TMEM182: variants seen among roughly 807,000 people sequenced by gnomAD.
TMEM182 encodes transmembrane protein 182.
Under a neutral mutation model 26.8 loss-of-function variants are expected in TMEM182, and 20 were observed. That is an observed-to-expected ratio of 0.75 (90% CI 0.53 to 1.09). The LOEUF (loss-of-function observed/expected upper bound fraction) is 1.09. TMEM182 is among the 50% of genes least tolerant of loss of function. The pLI, the probability that TMEM182 is intolerant of heterozygous loss-of-function variation, is 0.00. For synonymous variants in TMEM182, 109 were observed against 102.2 expected, an observed-to-expected ratio of 1.07 and a Z score of -0.40; for missense variants, 277 against 275.5, an observed-to-expected ratio of 1.01 and a Z score of -0.04.
intron 3 of TMEM182, among the ~76,000 whole-genome samples, chr2:102,796,498 C>G (rs996820288): frequency 2.6e-5 from 4 of 152,210 alleles, no homozygotes; most frequent in African/African-American, 7.2e-5. Flanking sequence ...AAATGTGAGA[C>G]TCACCAATTG....
At chr2:102,800,030 AT>A (rs1218867581) in intron 4 of TMEM182, among the ~76,000 whole-genome samples, 1 of 152,050 alleles carries the variant, frequency 6.6e-6, no homozygotes, top group Non-Finnish European at 1.5e-5. Context: ...AAAAAAAAAA[AT>A]CTCACTCTGA....
chr2:102,742,042 G>A (rs1034712645), intron 1 of TMEM182, among the ~76,000 whole-genome samples: 11 of 152,198 alleles, frequency 7.2e-5, no homozygotes, highest in Non-Finnish European at 1.0e-4. Flanking sequence ...CAAAGCAAGC[G>A]TTAGAACTAG....
intron 3 of TMEM182, among the ~76,000 whole-genome samples, chr2:102,787,235 C>T (rs976777806): frequency 1.3e-5 from 2 of 152,142 alleles, no homozygotes; most frequent in African/African-American, 4.8e-5. Context: ...CACAGCCTGG[C>T]GGCTTAAACA....
At chr2:102,783,929 G>T (rs1163010754) in intron 3 of TMEM182, among the ~76,000 whole-genome samples, 1 of 152,172 alleles carries the variant, frequency 6.6e-6, no homozygotes, top group Non-Finnish European at 1.5e-5. Flanking sequence ...AGAGATGCTA[G>T]CTATGTCTCA....
At position 102,797,981 on chromosome 2, in the gene TMEM182, A is replaced by G; in HGVS notation, c.450A>G (p.Gly150=). 6.2e-7 allele frequency: 1 copy of G among 1,613,762 alleles called. No individual in the cohort carries two copies. The highest frequency in any genetic ancestry group is 8.5e-7 in the Non-Finnish European group (1 of 1,179,950). ...GCCATTTTCTCTACAAAGCTGGGGG[A>G]GGCTCATATATTGCTGCAGGTACGT... ...FASHFLYKAG[G]GSYIAAGILF... The change falls in exon 4 of 5, where the codon GGA becomes GGG. Residue 150 remains glycine (G), a synonymous_variant. Coordinates refer to ENST00000412401, the MANE Select transcript of TMEM182 (RefSeq NM_144632.5).
At chr2:102,738,630 A>G (rs550181876) in intron 1 of TMEM182, among the ~76,000 whole-genome samples, 1 of 152,264 alleles carries the variant, frequency 6.6e-6, no homozygotes, top group Non-Finnish European at 1.5e-5. Context: ...CTCTGCTAAT[A>G]TATAATCAAT....
chr2:102,754,866 A>C (rs1679986120), intron 1 of TMEM182, among the ~76,000 whole-genome samples: 1 of 152,228 alleles, frequency 6.6e-6, no homozygotes, highest in African/African-American at 2.4e-5. Flanking sequence ...ATTTAATAAA[A>C]AGTTAAGTAA....
chr2:102,779,779 C>G (rs113351104), intron 3 of TMEM182, among the ~76,000 whole-genome samples: 2 of 151,852 alleles, frequency 1.3e-5, no homozygotes, highest in African/African-American at 4.8e-5. Flanking sequence ...GGTGGATCAC[C>G]CGAAGTCAGG....
chr2:102,760,980 C>T (rs1207855449), upstream of TMEM182, among the ~76,000 whole-genome samples: 1 of 152,060 alleles, frequency 6.6e-6, no homozygotes, highest in Non-Finnish European at 1.5e-5. Flanking sequence ...TCTTTTTGTT[C>T]TCACAGAATC....
chr2:102,754,512 A>G (rs1172500104), intron 1 of TMEM182, among the ~76,000 whole-genome samples: 1 of 152,228 alleles, frequency 6.6e-6, no homozygotes, highest in East Asian at 1.9e-4. Flanking sequence ...TCCAAAAAAG[A>G]TGTCAGAACT....
rs753719579 is a variant in TMEM182, at chr2:102,816,683, T to C, written c.*1715T>C. On this transcript the variant is annotated 3_prime_UTR_variant, in exon 5 of 5. Transcript: ENST00000412401. The stretch of plus-strand genomic sequence containing the variant: ...ACTTCTTTGCTTTTGGCTTTGTTAT[T>C]AGAAAAAATAATTATGAGGTCTGTT... The C allele has an allele frequency of 4.1e-6, 4 of 985,774 alleles. No homozygotes were observed. Among genetic ancestry groups the C allele is most frequent in the Admixed American group, 6.1e-5 (1 of 16,272 alleles). 61.1% of individuals were successfully genotyped at this position (985,774 alleles called of 1,614,324 possible).
intron 1 of TMEM182, among the ~76,000 whole-genome samples, chr2:102,738,822 G>T (rs998939087): frequency 6.6e-6 from 1 of 152,134 alleles, no homozygotes; most frequent in Non-Finnish European, 1.5e-5. Context: ...TTGAAATTTA[G>T]ACTCAAAGAT....
At chr2:102,793,584 A>G (rs1681737833) in intron 3 of TMEM182, among the ~76,000 whole-genome samples, 1 of 152,204 alleles carries the variant, frequency 6.6e-6, no homozygotes, top group South Asian at 2.1e-4. Context: ...CTGATATAAA[A>G]TGGCATAGTA....
At position 102,797,935 on chromosome 2, in the gene TMEM182, T is replaced by C; in HGVS notation, c.404T>C (p.Ile135Thr). The C allele has an allele frequency of 6.2e-7, 1 of 1,614,104 alleles. No individual in the cohort carries two copies. Among genetic ancestry groups the C allele is most frequent in the Non-Finnish European group, 8.5e-7 (1 of 1,180,024 alleles). The change falls in exon 4 of 5, where the codon ATC becomes ACC. Residue 135 changes from isoleucine (I) to threonine (T), a missense_variant. By Grantham distance (89) the Ile-to-Thr change is moderately conservative. Transcript: ENST00000412401. ...VAVVIASFLIICAAPFASHFL... is the reference protein window; with the variant it reads ...VAVVIASFLITCAAPFASHFL... ...GTAGTCATCGCAAGCTTTTTGATCA[T>C]CTGTGCAGCCCCCTTCGCCAGCCAT...
At chr2:102,795,856 C>T (rs1484567726) in intron 3 of TMEM182, among the ~76,000 whole-genome samples, 2 of 152,152 alleles carry the variant, frequency 1.3e-5, no homozygotes, top group Non-Finnish European at 2.9e-5. Flanking sequence ...CAGTTCCATG[C>T]AGCCATGACA....
intron 3 of TMEM182, among the ~76,000 whole-genome samples, chr2:102,787,265 C>T (rs1279076697): frequency 6.6e-6 from 1 of 152,230 alleles, no homozygotes; most frequent in African/African-American, 2.4e-5. Context: ...TTTCTCATCA[C>T]TCTGAAGGTG....
chr2:102,779,522 T>TTTTAAGAAAATA, intron 3 of TMEM182, among the ~76,000 whole-genome samples: 1 of 152,332 alleles, frequency 6.6e-6, no homozygotes, highest in East Asian at 1.9e-4. Context: ...TTAAGTCTAT[T>TTTTAAGAAAATA]TTCTTTCTGC....
intron 3 of TMEM182, among the ~76,000 whole-genome samples, chr2:102,842,122 AC>A (rs1379967506): frequency 1.3e-5 from 2 of 152,118 alleles, no homozygotes; most frequent in Non-Finnish European, 2.9e-5. Context: ...AGGATAATTC[AC>A]TTGTCTCCTT....
At chr2:102,809,126 G>C (rs533113990) in intron 4 of TMEM182, among the ~76,000 whole-genome samples, 1 of 152,278 alleles carries the variant, frequency 6.6e-6, no homozygotes, top group African/African-American at 2.4e-5. Flanking sequence ...AAAACCTTCA[G>C]ACTATGGCAG....
Sources: allele counts gnomAD v4.1 joint callset (sites outside exome capture counted in the v4.1 genomes callset), GRCh38; gene constraint gnomAD v4.1.1; transcripts MANE v1.5; gene names NCBI Gene and HGNC (gene_info 2026-07-23, HGNC 2026-07-21).